Variants in KCNU1 observed in about 807,000 individuals in gnomAD.
KCNU1 encodes the protein potassium calcium-activated channel subfamily U member 1.
In KCNU1, 93 loss-of-function variants were observed where a neutral mutation model predicts 126.8. The ratio of observed to expected loss-of-function variants is 0.73; its 90% CI spans 0.62 to 0.87. The LOEUF is 0.87. Ranked by LOEUF, KCNU1 falls within the 40% of genes least tolerant of loss-of-function variation. KCNU1 has a pLI of 0.00. For missense variants in KCNU1, 1,330 were observed against 1,367.1 expected (o/e 0.97, Z 0.43); for synonymous variants, 523 against 494.2 (o/e 1.06, Z -0.77).
intron 2 of KCNU1, among the ~76,000 whole-genome samples, chr8:36,787,769 ATATAAT>A (rs1471303634): frequency 6.8e-6 from 1 of 147,888 alleles, no homozygotes; most frequent in Non-Finnish European, 1.5e-5. Flanking sequence ...ATAGAATATT[ATATAAT>A]TATTAGTAAT....
intron 26 of KCNU1, among the ~76,000 whole-genome samples, chr8:36,933,252 G>C (rs144817701): frequency 2.6e-5 from 4 of 152,038 alleles, no homozygotes; most frequent in African/African-American, 9.7e-5. Context: ...AAGAAGAATG[G>C]AGTCTCTGTC....
At chr8:36,843,075 T>C (rs1054384759) in intron 16 of KCNU1, among the ~76,000 whole-genome samples, 3 of 152,162 alleles carry the variant, frequency 2.0e-5, no homozygotes, top group African/African-American at 7.2e-5. Flanking sequence ...ATGATATCAT[T>C]GGTTTATTCA....
chr8:36,868,289 C>T (rs1805982003), intron 19 of KCNU1, among the ~76,000 whole-genome samples: 1 of 151,994 alleles, frequency 6.6e-6, no homozygotes, highest in East Asian at 1.9e-4. Flanking sequence ...AAATTGGCAA[C>T]ATATGTCTAG....
At chr8:36,921,086 T>C (rs1163869144) in intron 23 of KCNU1, among the ~76,000 whole-genome samples, 1 of 151,974 alleles carries the variant, frequency 6.6e-6, no homozygotes, top group African/African-American at 2.4e-5. Flanking sequence ...CCTACCCCAG[T>C]CTCATGGATG....
rs151155499 is a variant in KCNU1, at chr8:36,837,247, G to C, written c.1518+302G>C. Among the ~76,000 whole-genome samples, 292 of 152,122 alleles carry C rather than the reference G, an allele frequency of 1.9e-3. 2 individuals are homozygous for C. The highest frequency in any genetic ancestry group is 6.7e-3 in the African/African-American group (276 of 41,496). ...AAATCAAAGTACATTCATCAAAGTA[G>C]AAGCATTGAGTTATCGAAAGTGAAA... is the stretch of plus-strand genomic sequence containing the variant. On this transcript the variant is annotated intron_variant, in intron 14 of 26. Transcript: ENST00000399881.
At chr8:36,812,029 A>C (rs1803736409) in intron 7 of KCNU1, among the ~76,000 whole-genome samples, 1 of 152,028 alleles carries the variant, frequency 6.6e-6, no homozygotes, top group Admixed American at 6.6e-5. Flanking sequence ...ATGTCACTGC[A>C]CTCCAGCCTG....
chr8:36,862,519 A>G (rs148065990), intron 18 of KCNU1, among the ~76,000 whole-genome samples: 48 of 152,308 alleles, frequency 3.2e-4, no homozygotes, highest in Non-Finnish European at 5.9e-4. Context: ...GGTCAACACC[A>G]ATCAGAAACA....
chr8:36,896,579 C>T (rs769958212), intron 19 of KCNU1, among the ~76,000 whole-genome samples: 16 of 151,788 alleles, frequency 1.1e-4, no homozygotes, highest in East Asian at 1.9e-4. Flanking sequence ...TAATAGAATG[C>T]GATGATCTTT....
intron 9 of KCNU1, among the ~76,000 whole-genome samples, chr8:36,817,065 G>T (rs971906549): frequency 6.6e-6 from 1 of 152,188 alleles, no homozygotes; most frequent in Non-Finnish European, 1.5e-5. Flanking sequence ...AATAGTAATA[G>T]TTGCTCTTGT....
intron 14 of KCNU1, among the ~76,000 whole-genome samples, chr8:36,839,215 A>T (rs1483038744): frequency 6.6e-6 from 1 of 152,180 alleles, no homozygotes; most frequent in Non-Finnish European, 1.5e-5. Flanking sequence ...CTGGGTTCAG[A>T]GCATGGCCTT....
At chr8:36,784,802 C>A (rs1802653960) in intron 1 of KCNU1, among the ~76,000 whole-genome samples, 197 bp downstream of exon 1, 1 of 152,170 alleles carries the variant, frequency 6.6e-6, no homozygotes, top group Non-Finnish European at 1.5e-5. Flanking sequence ...GGCCAAGCCT[C>A]TTCTCTCTCC....
Position 36,933,035 on chromosome 8 carries a change from G to T in KCNU1, c.3044+3G>T, listed in dbSNP as rs767263233. ...GAGCTCAACCCAGAAAACAAAAGGG[G>T]AGTGTGCTAGATTGGAAAGCACCAT... On this transcript the variant is annotated splice_donor_region_variant and intron_variant, in intron 26 of 26. Coordinates refer to ENST00000399881, the MANE Select transcript of KCNU1 (RefSeq NM_001031836.3). 1 of 1,507,888 alleles carries T rather than the reference G, an allele frequency of 6.6e-7. No homozygotes were observed. The highest frequency in any genetic ancestry group is 9.0e-7 in the Non-Finnish European group (1 of 1,105,646). The allele number at this position is 1,507,888 out of a possible 1,614,324, so 93.4% of individuals were successfully genotyped here. A position where few individuals can be genotyped will look rare whatever the true frequency, so the allele number is the denominator to read the frequency against.
In KCNU1 at chr8:36,922,509, C is replaced by G; in HGVS notation, c.2616C>G (p.His872Gln). The change falls in exon 24 of 27, where the codon CAC (histidine) becomes CAG (glutamine). Residue 872 changes from histidine (H) to glutamine (Q), a missense_variant. Physicochemically the swap from His to Gln is conservative, Grantham distance 24 (BLOSUM62 0). Coordinates refer to ENST00000399881, the MANE Select transcript of KCNU1 (RefSeq NM_001031836.3). ...TTGCAGAAAATCCTTCCAACATTCA[C>G]TTTATTGAACAGCTTGGTGGACTGG... ...LTELKNPSNI[H>Q]FIEQLGGLEG... is the part of the protein sequence containing the mutation. The G allele has an allele frequency of 6.2e-7, 1 of 1,611,170 alleles. No individual in the cohort carries two copies. The highest frequency in any genetic ancestry group is 1.1e-5 in the South Asian group (1 of 90,464).
intron 26 of KCNU1, 115 bp downstream of exon 26, chr8:36,933,147 G>T (rs1467648041): frequency 3.1e-6 from 2 of 649,604 alleles, no homozygotes; most frequent in Non-Finnish European, 2.7e-6. Context: ...GCAAGGAAGG[G>T]TGCATGGGAA....
rs11364462 is a variant in KCNU1, at chr8:36,823,836, C to CT, written c.1106+6094dup. On this transcript the variant is annotated intron_variant, in intron 10 of 26. Coordinates refer to ENST00000399881, the MANE Select transcript of KCNU1 (RefSeq NM_001031836.3). ...AAATAATTAATCTCCTTGTTCAAAC[C>CT]TTTTTTTTTTTTTTTTTTGAGAAGG... Among the ~76,000 whole-genome samples the CT allele has an allele frequency of 0.021, 2,720 of 129,370 alleles. 197 individuals carry two copies. In the East Asian group the frequency reaches 0.25, roughly 12 times the overall value. 84.9% of individuals were successfully genotyped at this position (129,370 alleles called of 152,430 possible). A position where few individuals can be genotyped will look rare whatever the true frequency, so the allele number is the denominator to read the frequency against.
In KCNU1 at chr8:36,845,617, C is replaced by A. The variant is rs543181237; in HGVS notation, c.1741C>A (p.Arg581Ser). Reference protein sequence around the residue: ...ILNPPPQVRIRKNTLGFFIAE... With the variant: ...ILNPPPQVRISKNTLGFFIAE... ...AAATCCACCTCCACAAGTGAGGATACGTAAGAACACATTAGGGTTCTTTAT... is the reference window on the plus strand; with the variant it reads ...AAATCCACCTCCACAAGTGAGGATAAGTAAGAACACATTAGGGTTCTTTAT... Residue 581 changes from arginine (R) to serine (S), a missense_variant, in exon 17 of 27, where the codon CGT becomes AGT. Around this residue, in one of 3 missense-constraint regions of KCNU1, gnomAD observed 1,054 missense variants for 1,053.9 expected, o/e 1.00. Transcript: ENST00000399881. 1 of 1,609,820 alleles carries A rather than the reference C, an allele frequency of 6.2e-7. No homozygotes were observed. The highest frequency in any genetic ancestry group is 1.7e-5 in the Admixed American group (1 of 59,996).
intron 22 of KCNU1, among the ~76,000 whole-genome samples, chr8:36,912,699 C>T (rs954127682): frequency 6.6e-5 from 10 of 151,936 alleles, no homozygotes; most frequent in South Asian, 2.1e-4. Flanking sequence ...AGGCAGGGCG[C>T]GGTGGCTCAC....
chr8:36,784,507 G>C lies in KCNU1; in HGVS notation c.97G>C (p.Val33Leu), dbSNP rs762351258. Reference sequence around the variant, plus strand: ...AGCAGCATTCATTCTCTCTTCCTTTGTGACCTTCTTCAGTGGACTCATCAT... The same window carrying C: ...AGCAGCATTCATTCTCTCTTCCTTTCTGACCTTCTTCAGTGGACTCATCAT... ...IQAAFILSSF[V>L]TFFSGLIILL... The change falls in exon 1 of 27, where the codon GTG becomes CTG. Residue 33 changes from valine (V) to leucine (L), a missense_variant. Around this residue, in one of 3 missense-constraint regions of KCNU1, gnomAD observed 247 missense variants for 255.4 expected, o/e 0.97. Transcript: ENST00000399881. 4 of 1,613,868 alleles carry C rather than the reference G, an allele frequency of 2.5e-6. No homozygotes were observed. In the African/African-American group the frequency reaches 5.3e-5, roughly 22 times the overall value.
chr8:36,814,159 C>A, intron 7 of KCNU1, 48 bp from the exon 8 acceptor site: 2 of 1,458,236 alleles, frequency 1.4e-6, no homozygotes, highest in Non-Finnish European at 9.5e-7. Flanking sequence ...TAAAAATCTT[C>A]TCTTGGATTC....
Sources: gnomAD v4.1 joint callset for allele counts (sites outside exome capture counted in the v4.1 genomes callset) on GRCh38, gnomAD v4.1.1 for gene constraint, gnomAD v4.1.1 regional missense constraint, MANE v1.5 for transcripts, NCBI Gene and HGNC (gene_info 2026-07-23, HGNC 2026-07-21) for gene names.